The following NUMB variants were observed in gnomAD, a reference collection of about 807,000 sequenced individuals.
NUMB encodes the protein NUMB endocytic adaptor protein.
In NUMB, 29 loss-of-function variants were observed where a neutral mutation model predicts 59.7. That is an observed-to-expected ratio of 0.49 (90% confidence interval 0.36 to 0.66). The LOEUF is 0.66. NUMB is among the 30% of genes least tolerant of loss of function. NUMB has a pLI of 0.00. For synonymous variants in NUMB, 288 were observed against 288.2 expected (o/e 1.00, Z 0.01); for missense variants, 723 against 822.0 (o/e 0.88, Z 1.47).
At chr14:73,357,018 G>A in intron 3 of NUMB, 2 of 968,170 alleles carry the variant, frequency 2.1e-6, no homozygotes, top group South Asian at 4.8e-5. Context: ...CTTGCAAGCA[G>A]TATGACATCA....
chr14:73,307,107 A>G (rs1025203969), intron 6 of NUMB, among the ~76,000 whole-genome samples: 2 of 152,154 alleles, frequency 1.3e-5, no homozygotes, highest in African/African-American at 4.8e-5. Flanking sequence ...CAGGTGATTG[A>G]GACCACCCTG....
At chr14:73,330,985 G>A (rs1321083664) in intron 4 of NUMB, among the ~76,000 whole-genome samples, 2 of 152,176 alleles carry the variant, frequency 1.3e-5, no homozygotes, top group African/African-American at 4.8e-5. Context: ...TGAGAACCTG[G>A]GGGTGCTGCT....
intron 5 of NUMB, among the ~76,000 whole-genome samples, chr14:73,317,069 A>G (rs767213975): frequency 2.0e-5 from 3 of 152,188 alleles, no homozygotes; most frequent in South Asian, 2.1e-4. Flanking sequence ...GTATCAATCT[A>G]TATGTACAGG....
At chr14:73,283,776 T>G (rs1251955464) in intron 10 of NUMB, among the ~76,000 whole-genome samples, 1 of 152,246 alleles carries the variant, frequency 6.6e-6, no homozygotes, top group Non-Finnish European at 1.5e-5. Flanking sequence ...AGACCCTTGA[T>G]GTTTGGGAGC....
At chr14:73,366,165 G>C (rs190230078) in intron 3 of NUMB, among the ~76,000 whole-genome samples, 172 of 152,264 alleles carry the variant, frequency 1.1e-3, no homozygotes, top group African/African-American at 4.1e-3. Context: ...GACCATGTTA[G>C]GCTCAATGGG....
chr14:73,435,761 C>G (rs1467408943), intron 1 of NUMB, among the ~76,000 whole-genome samples: 2 of 151,822 alleles, frequency 1.3e-5, no homozygotes, highest in Non-Finnish European at 2.9e-5. Flanking sequence ...AATCCCAGCA[C>G]TTTGGGAGGC....
Position 73,326,665 on chromosome 14 carries a change from G to A in NUMB, c.127-3461C>T, listed in dbSNP as rs75970182. Among the ~76,000 whole-genome samples the A allele has an allele frequency of 3.3e-3, 503 of 151,940 alleles. 2 individuals are homozygous for A. Among genetic ancestry groups the A allele is most frequent in the African/African-American group, 0.012 (487 of 41,472 alleles). On this transcript the variant is annotated intron_variant, in intron 4 of 12. Transcript: ENST00000555238. ...AAAAAAAGAAAAAGAAAACTGAACT[G>A]ATATTGGAACCACATCCCACAGAAA...
intron 1 of NUMB, among the ~76,000 whole-genome samples, chr14:73,430,904 C>A (rs1251801607): frequency 6.6e-6 from 1 of 151,772 alleles, no homozygotes; most frequent in Admixed American, 6.6e-5. Flanking sequence ...GAGATTGCGC[C>A]ACTGCACTCC....
chr14:73,445,381 A>AAAAAAAAAAAAAAAAAAAAAAAAAAAC, intron 1 of NUMB, among the ~76,000 whole-genome samples: 1 of 129,790 alleles, frequency 7.7e-6, no homozygotes, highest in Non-Finnish European at 1.7e-5. Context: ...AAAAAAAAAA[A>AAAAAAAAAAAAAAAAAAAAAAAAAAAC]AAAAAAAAAA....
At chr14:73,301,813 G>A (rs1208505457) in intron 6 of NUMB, among the ~76,000 whole-genome samples, 1 of 152,144 alleles carries the variant, frequency 6.6e-6, no homozygotes, top group Admixed American at 6.5e-5. Context: ...GGGTGTGGTG[G>A]CTCATGTCTG....
chr14:73,345,374 A>C (rs1329186122), intron 4 of NUMB, among the ~76,000 whole-genome samples: 1 of 152,110 alleles, frequency 6.6e-6, no homozygotes, highest in Non-Finnish European at 1.5e-5. Flanking sequence ...TCGAAAAACT[A>C]CCTATCAGGT....
At chr14:73,329,485 C>G (rs566166788) in intron 4 of NUMB, among the ~76,000 whole-genome samples, 2 of 152,296 alleles carry the variant, frequency 1.3e-5, no homozygotes, top group Admixed American at 6.5e-5. Flanking sequence ...CTCTTTTTCT[C>G]TCTCACAGCT....
chr14:73,434,732 G>GA (rs917773064), intron 1 of NUMB, among the ~76,000 whole-genome samples: 1 of 151,308 alleles, frequency 6.6e-6, no homozygotes, highest in Admixed American at 6.6e-5. Context: ...AAAAAAAAAT[G>GA]AAAAAACCAT....
chr14:73,299,468 GTA>G (rs1234385457), intron 6 of NUMB: 5 of 151,554 alleles, frequency 3.3e-5, no homozygotes, highest in African/African-American at 1.2e-4. Context: ...TGCTTTACAG[GTA>G]TCAGACTTGC....
At chr14:73,335,900 C>CTGTA (rs1239263174) in intron 4 of NUMB, among the ~76,000 whole-genome samples, 2 of 152,162 alleles carry the variant, frequency 1.3e-5, no homozygotes, top group Non-Finnish European at 2.9e-5. Flanking sequence ...AGTAGCAAAA[C>CTGTA]TTGTTTTGAG....
In NUMB at chr14:73,313,668, G is replaced by GAAAAAAAAAAAAA. The variant is rs10582204; in HGVS notation, c.234+2709_234+2721dup. ...TATATATGCAAATATTCCAAAATCT[G>GAAAAAAAAAAAAA]AAAAAAAAAAAAAAAAATCCAAAAT... On this transcript the variant is annotated intron_variant, in intron 6 of 12. Coordinates refer to ENST00000555238, the MANE Select transcript of NUMB (RefSeq NM_001005743.2). Among the ~76,000 whole-genome samples, 482 of 124,020 alleles carry GAAAAAAAAAAAAA rather than the reference G, an allele frequency of 3.9e-3. 16 individuals are homozygous for GAAAAAAAAAAAAA. The highest frequency in any genetic ancestry group is 0.015 in the African/African-American group (462 of 30,884). 81.4% of individuals were successfully genotyped at this position (124,020 alleles called of 152,430 possible).
chr14:73,453,155 G>A (rs557385463), intron 1 of NUMB, among the ~76,000 whole-genome samples: 17 of 151,926 alleles, frequency 1.1e-4, no homozygotes, highest in African/African-American at 3.6e-4. Context: ...TGTTTGAGAC[G>A]GAGTTTCTCT....
intron 7 of NUMB, among the ~76,000 whole-genome samples, chr14:73,293,114 T>C (rs182000765): frequency 1.3e-5 from 2 of 152,380 alleles, no homozygotes; most frequent in African/African-American, 2.4e-5. Context: ...TTGTTGATTC[T>C]AGTTTTACAT....
chr14:73,277,762 TAAAA>T (rs35278332), intron 12 of NUMB, among the ~76,000 whole-genome samples: 5 of 144,014 alleles, frequency 3.5e-5, no homozygotes, highest in East Asian at 2.0e-4. Flanking sequence ...AATTCTGTCT[TAAAA>T]AAAAAAAAAG....
Sources: gnomAD v4.1 joint callset for allele counts (sites outside exome capture counted in the v4.1 genomes callset) on GRCh38, gnomAD v4.1.1 for gene constraint, MANE v1.5 for transcripts, NCBI Gene and HGNC (gene_info 2026-07-23, HGNC 2026-07-21) for gene names.